ARIH2: variants seen among roughly 807,000 people sequenced by gnomAD.
ARIH2 encodes the protein ariadne RBR E3 ubiquitin protein ligase 2.
A neutral mutation model predicts 79.8 loss-of-function variants in ARIH2; 12 were observed. The observed-to-expected ratio is 0.15, with a 90% CI of 0.10 to 0.24. The LOEUF is 0.24. Among genes scored for constraint, ARIH2 ranks in the 10% least tolerant of loss-of-function variants. The pLI, the probability that ARIH2 is intolerant of heterozygous loss-of-function variation, is 1.00. For synonymous variants in ARIH2, 224 were observed against 213.9 expected (o/e 1.05, Z -0.41); for missense variants, 301 against 618.3 (o/e 0.49, Z 5.44).
At chr3:48,946,768 CAG>C (rs370700656) in intron 3 of ARIH2, among the ~76,000 whole-genome samples, 49 of 152,180 alleles carry the variant, frequency 3.2e-4, no homozygotes, top group African/African-American at 1.1e-3. Flanking sequence ...TTGGAGGACT[CAG>C]GGAAAGTGGG....
intron 8 of ARIH2, among the ~76,000 whole-genome samples, chr3:48,971,193 C>T (rs2092210594): frequency 1.3e-5 from 2 of 152,216 alleles, no homozygotes; most frequent in African/African-American, 2.4e-5. Flanking sequence ...AGGCACTATC[C>T]TGATCACTTA....
chr3:48,969,862 T>G (rs2092072138), intron 7 of ARIH2, among the ~76,000 whole-genome samples: 1 of 152,052 alleles, frequency 6.6e-6, no homozygotes, highest in Admixed American at 6.6e-5. Context: ...GTTTGCTGCC[T>G]TTGAGGGTCA....
rs537840229 is a variant in ARIH2 at position 48,925,804 on chromosome 3, C to T, written c.-97-1658C>T. On this transcript the variant is annotated intron_variant, in intron 2 of 15. Transcript: ENST00000356401. ...CGGGATCTCGGCTCACTGCAACCTC[C>T]GACTCCCTCGTTCAAGTGATTCTCC... Among the ~76,000 whole-genome samples the T allele has an allele frequency of 3.3e-5, 5 of 151,658 alleles. No individual in the cohort carries two copies. In the South Asian group the frequency reaches 6.3e-4, roughly 19 times the overall value.
chr3:48,939,518 G>T (rs2087714293), intron 3 of ARIH2, among the ~76,000 whole-genome samples: 1 of 151,548 alleles, frequency 6.6e-6, no homozygotes. Context: ...AGCACTTTGG[G>T]AGGCCGAGGC....
intron 3 of ARIH2, among the ~76,000 whole-genome samples, chr3:48,940,808 A>AAATGT (rs759369585): frequency 2.0e-5 from 2 of 98,048 alleles, no homozygotes; most frequent in Non-Finnish European, 3.9e-5. Flanking sequence ...AAAAAAAAAA[A>AAATGT]ATATATATAT....
chr3:48,924,370 A>G (rs1372816004), intron 2 of ARIH2, among the ~76,000 whole-genome samples: 1 of 151,000 alleles, frequency 6.6e-6, no homozygotes, highest in East Asian at 1.9e-4. Context: ...TATTATTATT[A>G]TTATTTTTGG....
chr3:48,934,068 ATCTC>A (rs1469579487), intron 3 of ARIH2, among the ~76,000 whole-genome samples: 3 of 152,108 alleles, frequency 2.0e-5, no homozygotes, highest in African/African-American at 2.4e-5. Context: ...TGACTGGAAA[ATCTC>A]TCTAAGATTC....
rs535568194 is a variant in ARIH2, at chr3:48,986,347, T to G, written c.*3077T>G. ...ACTAGTGAATGTTTGTTTTTTGTTT[T>G]GAGACAGTCTCGCTCTATCGCCCAG... On this transcript the variant is annotated 3_prime_UTR_variant, in exon 16 of 16. Coordinates refer to ENST00000356401, the MANE Select transcript of ARIH2 (RefSeq NM_006321.4). 6.6e-6 allele frequency: 1 copy of G among 152,364 alleles called. No individual in the cohort carries two copies. Among genetic ancestry groups the G allele is most frequent in the African/African-American group, 2.4e-5 (1 of 41,574 alleles). The allele number at this position is 152,364 out of a possible 1,614,324, so 9.4% of individuals were successfully genotyped here.
At chr3:48,969,039 A>G (rs978178695) in intron 7 of ARIH2, among the ~76,000 whole-genome samples, 4 of 151,802 alleles carry the variant, frequency 2.6e-5, no homozygotes, top group East Asian at 1.9e-4. Context: ...ATGCACCACC[A>G]CTCGCAGCTA....
rs746926650 is a variant in ARIH2, at chr3:48,970,647, G to A, written c.713G>A (p.Arg238Gln). 4.0e-5 allele frequency: 64 copies of A among 1,613,876 alleles called. No homozygotes were observed. Among genetic ancestry groups the A allele is most frequent in the Middle Eastern group, 1.6e-4 (1 of 6,084 alleles). Residue 238 changes from arginine to glutamine, a missense_variant, in exon 8 of 16, where the codon CGG becomes CAG. Arg to Gln is a conservative substitution (Grantham distance 43). This residue lies in a region of ARIH2 where 223 missense variants were observed against 349.4 expected (regional missense o/e 0.64). Transcript: ENST00000356401. ...GGTGCAGACTGCCCCATGGTTATTC[G>A]GGTACAGGAGCCTAGAGCTCGCCGA... ...CPGADCPMVI[R>Q]VQEPRARRVQ...
chr3:48,985,275 T>G lies in ARIH2; in HGVS notation c.*2005T>G, dbSNP rs1479652823. 1 of 152,268 alleles carries G rather than the reference T, an allele frequency of 6.6e-6. No homozygotes were observed. Among genetic ancestry groups the G allele is most frequent in the Non-Finnish European group, 1.5e-5 (1 of 68,134 alleles). The allele number at this position is 152,268 out of a possible 1,614,324, so 9.4% of individuals were successfully genotyped here. A position where few individuals can be genotyped will look rare whatever the true frequency, so the allele number is the denominator to read the frequency against. ...GCTGGAGCTGGAGGGTTTTCTGTGC[T>G]CAGACTGTAGCCTGTAGCTCTTGGC... On this transcript the variant is annotated 3_prime_UTR_variant, in exon 16 of 16. Coordinates refer to ENST00000356401, the MANE Select transcript of ARIH2 (RefSeq NM_006321.4).
chr3:48,978,257 T>A (rs1465120308), intron 11 of ARIH2, among the ~76,000 whole-genome samples: 1 of 139,180 alleles, frequency 7.2e-6, no homozygotes, highest in Non-Finnish European at 1.6e-5. Context: ...ATATAGGGGA[T>A]TTTTTTTTTT....
Position 48,979,531 on chromosome 3 carries a change from C to T in ARIH2, c.1011C>T (p.Tyr337=). 1 of 1,614,256 alleles carries T rather than the reference C, an allele frequency of 6.2e-7. No individual in the cohort carries two copies. The highest frequency in any genetic ancestry group is 8.5e-7 in the Non-Finnish European group (1 of 1,180,048). Residue 337 remains tyrosine (Y), a synonymous_variant, in exon 12 of 16, where the codon TAC becomes TAT. Coordinates refer to ENST00000356401, the MANE Select transcript of ARIH2 (RefSeq NM_006321.4). ...ATTGGAAGACTCATGGCAGTGAATA[C>T]TATGAGTGCAGTCGTTACAAGGAGA... ...LGDWKTHGSE[Y]YECSRYKENP... is the part of the protein sequence containing the mutation.
chr3:48,935,008 A>G, intron 3 of ARIH2: 2 of 958,356 alleles, frequency 2.1e-6, no homozygotes, highest in South Asian at 4.8e-5. Flanking sequence ...GAGTTTATAA[A>G]TTTTTTTGTC....
intron 14 of ARIH2, 67 bp from the exon 15 acceptor site, chr3:48,982,829 C>T: frequency 1.7e-6 from 2 of 1,186,118 alleles, no homozygotes; most frequent in Non-Finnish European, 2.5e-6. Flanking sequence ...TGTGCCCACC[C>T]CCGTGTACAG....
At chr3:48,953,692 G>A (rs1247150898) in intron 3 of ARIH2, among the ~76,000 whole-genome samples, 5 of 150,098 alleles carry the variant, frequency 3.3e-5, no homozygotes, top group Non-Finnish European at 4.4e-5. Context: ...GAGCCACCAC[G>A]CCCAGCCATT....
intron 3 of ARIH2, among the ~76,000 whole-genome samples, chr3:48,960,078 C>G (rs1051989039): frequency 6.6e-6 from 1 of 152,148 alleles, no homozygotes; most frequent in Non-Finnish European, 1.5e-5. Flanking sequence ...TCTCTCTAGC[C>G]GTAAATATGT....
At chr3:48,937,743 C>T (rs1409814099) in intron 3 of ARIH2, among the ~76,000 whole-genome samples, 1 of 152,024 alleles carries the variant, frequency 6.6e-6, no homozygotes, top group Non-Finnish European at 1.5e-5. Context: ...CAGCTGACCT[C>T]CAAATAAAGA....
chr3:48,937,702 A>G (rs1044155308), intron 3 of ARIH2, among the ~76,000 whole-genome samples: 5 of 152,122 alleles, frequency 3.3e-5, no homozygotes, highest in African/African-American at 1.2e-4. Flanking sequence ...TAAACAGAAG[A>G]CATTCTCTTC....
Sources: allele counts gnomAD v4.1 joint callset (sites outside exome capture counted in the v4.1 genomes callset), GRCh38; gene constraint gnomAD v4.1.1; regional missense constraint gnomAD v4.1.1; transcripts MANE v1.5; gene names NCBI Gene and HGNC (gene_info 2026-07-23, HGNC 2026-07-21).